Variants in RPS6KA5 observed in about 807,000 individuals in gnomAD.
The protein encoded by RPS6KA5 is ribosomal protein S6 kinase alpha-5.
In RPS6KA5, 27 loss-of-function variants were observed where a neutral mutation model predicts 85.5. That is an observed-to-expected ratio of 0.32 (90% CI 0.23 to 0.44). The LOEUF (loss-of-function observed/expected upper bound fraction) is 0.44. Ranked by LOEUF, RPS6KA5 falls within the 20% of genes least tolerant of loss-of-function variation. The pLI is 1.00. For synonymous variants in RPS6KA5, 334 were observed against 348.2 expected (o/e 0.96, Z 0.46); for missense variants, 811 against 980.9 (o/e 0.83, Z 2.31).
Position 90,865,664 on chromosome 14 carries a change from T to A in RPS6KA5, c.*6410A>T, listed in dbSNP as rs954983698. 5.9e-5 allele frequency: 9 copies of A among 152,232 alleles called. No homozygotes were observed. Among genetic ancestry groups the A allele is most frequent in the Non-Finnish European group, 1.5e-5 (1 of 68,044 alleles). 9.4% of individuals were successfully genotyped at this position (152,232 alleles called of 1,614,324 possible). A position where few individuals can be genotyped will look rare whatever the true frequency, so the allele number is the denominator to read the frequency against. On this transcript the variant is annotated 3_prime_UTR_variant, in exon 17 of 17. Transcript: ENST00000614987. ...AGTTTTAGTGCTCCATTTGGACTGG[T>A]CTCTGGCCACTGGATGTCAGTGTTT...
chr14:90,920,345 T>A, intron 6 of RPS6KA5, 36 bp from the exon 7 acceptor site: 1 of 1,312,604 alleles, frequency 7.6e-7, no homozygotes, highest in Non-Finnish European at 1.1e-6. Flanking sequence ...TATAGAATTA[T>A]CAACTAAAAT....
intron 4 of RPS6KA5, 38 bp from the exon 5 acceptor site, chr14:90,943,223 A>G (rs770714626): frequency 1.0e-5 from 13 of 1,246,366 alleles, no homozygotes; most frequent in Non-Finnish European, 1.5e-5. Flanking sequence ...AAAATAATTT[A>G]CAAAAAAATG....
intron 2 of RPS6KA5, among the ~76,000 whole-genome samples, chr14:90,987,776 G>A (rs76538272): frequency 0.015 from 2,303 of 152,120 alleles, 54 homozygotes; most frequent in African/African-American, 0.053. Flanking sequence ...AGGACACCAG[G>A]GACCAAGGTA....
At chr14:90,944,193 TG>T (rs1406966539) in intron 4 of RPS6KA5, among the ~76,000 whole-genome samples, 1 of 152,232 alleles carries the variant, frequency 6.6e-6, no homozygotes, top group Non-Finnish European at 1.5e-5. Context: ...GCATGAATTC[TG>T]TTTCATGTTT....
At position 90,892,768 on chromosome 14, in the gene RPS6KA5, G is replaced by A. The variant is rs1042934017; in HGVS notation, c.1644+1645C>T. On this transcript the variant is annotated intron_variant, in intron 13 of 16. Coordinates refer to ENST00000614987, the MANE Select transcript of RPS6KA5 (RefSeq NM_004755.4). ...GGGAAAATATTAAACTTTTAGTTTA[G>A]AAATAATATACACTGCCATTTAAAA... Among the ~76,000 whole-genome samples, 15 of 152,292 alleles carry A rather than the reference G, an allele frequency of 9.8e-5. No homozygotes were observed. The East Asian group carries it at 2.5e-3, about 25-fold the overall frequency.
In RPS6KA5 at chr14:90,899,372, C is replaced by G. The variant is rs1253408285; in HGVS notation, c.1430G>C (p.Gly477Ala). The G allele has an allele frequency of 4.3e-6, 7 of 1,612,560 alleles. No individual in the cohort carries two copies. The highest frequency in any genetic ancestry group is 5.9e-6 in the Non-Finnish European group (7 of 1,179,652). Residue 477 changes from glycine to alanine, a missense_variant, in exon 12 of 17, where the codon GGA (glycine) becomes GCA (alanine). Gly to Ala is a moderately conservative substitution (Grantham distance 60). Around this residue, in one of 3 missense-constraint regions of RPS6KA5, gnomAD observed 650 missense variants for 793.4 expected, o/e 0.82. Transcript: ENST00000614987. ...KEITALKLCE[G>A]HPNIVKLHEV... ...ATGCAACTTCACAATATTGGGGTGT[C>G]CTTCACAGAGTTTCAGAGCTGTTAT...
intron 12 of RPS6KA5, 62 bp downstream of exon 12, chr14:90,899,267 A>G (rs1423005698): frequency 9.6e-5 from 114 of 1,186,596 alleles, no homozygotes; most frequent in Non-Finnish European, 1.3e-4. Context: ...AAACGCGTGA[A>G]AAGTACAACC....
chr14:90,875,432 T>A, intron 14 of RPS6KA5, 72 bp from the exon 15 acceptor site: 1 of 1,366,932 alleles, frequency 7.3e-7, no homozygotes, highest in South Asian at 1.4e-5. Context: ...ATCCTAATAG[T>A]AACGTAACTG....
At chr14:90,981,034 G>T (rs763505042) in intron 2 of RPS6KA5, among the ~76,000 whole-genome samples, 2 of 152,200 alleles carry the variant, frequency 1.3e-5, no homozygotes, top group Non-Finnish European at 2.9e-5. Context: ...AGCCGAGCAT[G>T]GTGGCCTATG....
intron 2 of RPS6KA5, among the ~76,000 whole-genome samples, chr14:90,983,425 C>T (rs1206440993): frequency 6.6e-6 from 1 of 151,802 alleles, no homozygotes; most frequent in African/African-American, 2.4e-5. Context: ...CATAGGGAGA[C>T]CCCGTCTCTA....
intron 13 of RPS6KA5, 86 bp from the exon 14 acceptor site, chr14:90,890,764 G>A (rs1258540668): frequency 2.1e-5 from 26 of 1,231,666 alleles, no homozygotes; most frequent in Non-Finnish European, 2.9e-5. Flanking sequence ...TTTGTATATT[G>A]ATAGTTGATT....
chr14:90,931,274 T>C (rs534240321), intron 5 of RPS6KA5, among the ~76,000 whole-genome samples: 21 of 152,078 alleles, frequency 1.4e-4, no homozygotes, highest in Non-Finnish European at 2.5e-4. Context: ...CTAAGTGAAA[T>C]AGTCACAAAA....
At chr14:90,950,992 C>T (rs570023848) in intron 3 of RPS6KA5, among the ~76,000 whole-genome samples, 2 of 151,190 alleles carry the variant, frequency 1.3e-5, no homozygotes, top group East Asian at 3.9e-4. Context: ...TGGTGGTGCA[C>T]ACTTGTAATC....
chr14:90,906,549 G>A (rs2035515893), intron 7 of RPS6KA5, among the ~76,000 whole-genome samples: 1 of 152,068 alleles, frequency 6.6e-6, no homozygotes, highest in South Asian at 2.1e-4. Context: ...ATCCTGGTGG[G>A]AGGCTAACAT....
rs753310077 is a variant in RPS6KA5, at chr14:90,900,582, A to G, written c.1245+29T>C. 9.4e-6 allele frequency: 15 copies of G among 1,593,900 alleles called. 1 individual carries two copies. In the South Asian group the frequency reaches 1.6e-4, roughly 17 times the overall value. On this transcript the variant is annotated intron_variant, in intron 10 of 16. Transcript: ENST00000614987. ...TTAAACACTCACAAAACCTACAAAT[A>G]TGTCATATAAGTTACCACATCTATA...
chr14:91,021,843 G>A (rs2139796970), intron 1 of RPS6KA5, among the ~76,000 whole-genome samples: 1 of 152,038 alleles, frequency 6.6e-6, no homozygotes, highest in East Asian at 1.9e-4. Context: ...CTATTTTTGA[G>A]AACTTCATTT....
intron 2 of RPS6KA5, among the ~76,000 whole-genome samples, chr14:90,979,761 A>T (rs2039715906): frequency 6.6e-6 from 1 of 152,260 alleles, no homozygotes; most frequent in South Asian, 2.1e-4. Flanking sequence ...TTAATCCTCA[A>T]AACAGCCAGT....
At chr14:90,971,414 A>G (rs891615904) in intron 3 of RPS6KA5, among the ~76,000 whole-genome samples, 2 of 152,204 alleles carry the variant, frequency 1.3e-5, no homozygotes, top group Admixed American at 1.3e-4. Flanking sequence ...AATATTTACC[A>G]TCTAGCCCTT....
chr14:90,928,058 C>T (rs1391484654), intron 5 of RPS6KA5, among the ~76,000 whole-genome samples: 3 of 151,448 alleles, frequency 2.0e-5, no homozygotes, highest in Admixed American at 6.6e-5. Flanking sequence ...GCCTCAGCCT[C>T]CCAAGTAGCT....
Sources: gnomAD v4.1 joint callset for allele counts (sites outside exome capture counted in the v4.1 genomes callset) on GRCh38, gnomAD v4.1.1 for gene constraint, gnomAD v4.1.1 regional missense constraint, MANE v1.5 for transcripts, NCBI Gene and HGNC (gene_info 2026-07-23, HGNC 2026-07-21) for gene names.